PPP1R36: variants seen among roughly 807,000 people sequenced by gnomAD.
PPP1R36 encodes the protein chromosome 14 open reading frame 50.
In PPP1R36, 47 loss-of-function variants were observed where a neutral mutation model predicts 53.4. The observed-to-expected ratio is 0.88, with a 90% confidence interval of 0.70 to 1.12. The LOEUF (loss-of-function observed/expected upper bound fraction) is 1.12, where lower values mean the gene tolerates loss of function less well. Among genes scored for constraint, PPP1R36 ranks in the 50% most tolerant of loss-of-function variants. The probability of loss-of-function intolerance (pLI) is 0.00; values close to 1 mark genes in which losing one functional copy is unlikely to be tolerated. For missense variants in PPP1R36, 456 were observed against 513.9 expected (o/e 0.89, Z 1.09); for synonymous variants, 153 against 170.5 (o/e 0.90, Z 0.80).
chr14:64,585,095 A>G (rs2080420365), intron 8 of PPP1R36, among the ~76,000 whole-genome samples: 1 of 152,224 alleles, frequency 6.6e-6, no homozygotes, highest in Non-Finnish European at 1.5e-5. Context: ...AGTCCCTGTG[A>G]GAAGGCCGAA....
At chr14:64,553,008 G>A in intron 3 of PPP1R36, 147 bp downstream of exon 3, 2 of 602,266 alleles carry the variant, frequency 3.3e-6, no homozygotes, top group South Asian at 2.0e-5. Flanking sequence ...TCTCACTCCT[G>A]TTGCCCAGGC....
Position 64,565,640 on chromosome 14 carries a change from T to C in PPP1R36, c.382T>C (p.Leu128=), listed in dbSNP as rs1408267032. 3.1e-6 allele frequency: 5 copies of C among 1,613,784 alleles called. No individual in the cohort carries two copies. The highest frequency in any genetic ancestry group is 4.2e-6 in the Non-Finnish European group (5 of 1,179,768). The change falls in exon 6 of 12, where the codon TTG becomes CTG. Residue 128 remains leucine (L), a synonymous_variant. Transcript: ENST00000298705. ...TCTCTTTTCAGTTGTTACTTTGCTT[T>C]TGCTACAAGATACTGAGATGCAGCG... is the stretch of plus-strand genomic sequence containing the variant. The part of the protein sequence containing the change: ...LDDVKFVTLL[L]LQDTEMQRIC...
rs1384803955 is a variant in PPP1R36, at chr14:64,552,857, C to G, written c.178C>G (p.Pro60Ala). 1 of 1,612,558 alleles carries G rather than the reference C, an allele frequency of 6.2e-7. No individual in the cohort carries two copies. Among genetic ancestry groups the G allele is most frequent in the Non-Finnish European group, 8.5e-7 (1 of 1,178,612 alleles). ...DSVQWLLKHH[P>A]HFTPAAEVKE... ...TGTCCAGTGGCTCCTGAAACATCAC[C>G]CTCAGTGAGTGTGAGACAGACAGTG... The change falls in exon 3 of 12, where the codon CCT becomes GCT. Residue 60 changes from proline to alanine, a missense_variant. By Grantham distance (27) the Pro-to-Ala change is conservative (BLOSUM62 -1). Coordinates refer to ENST00000298705, the MANE Select transcript of PPP1R36 (RefSeq NM_172365.3).
chr14:64,564,795 A>T lies in PPP1R36; in HGVS notation c.227A>T (p.Lys76Ile), dbSNP rs777054731. The change falls in exon 4 of 12, where the codon AAA (lysine) becomes ATA (isoleucine). Residue 76 changes from lysine to isoleucine, a missense_variant. Lys to Ile is a moderately radical substitution (Grantham distance 102). Coordinates refer to ENST00000298705, the MANE Select transcript of PPP1R36 (RefSeq NM_172365.3). Reference protein sequence around the residue: ...AEVKEKGKKGKAVHFAETDGP... With the variant: ...AEVKEKGKKGIAVHFAETDGP... ...GTCAAGGAAAAAGGAAAGAAAGGCA[A>T]AGCAGTTCACTTTGCAGAAACTGAT... The T allele has an allele frequency of 2.5e-6, 4 of 1,611,196 alleles. No homozygotes were observed. The highest frequency in any genetic ancestry group is 2.5e-6 in the Non-Finnish European group (3 of 1,179,088).
intron 8 of PPP1R36, 42 bp downstream of exon 8, chr14:64,574,631 T>C (rs2080329240): frequency 1.3e-6 from 2 of 1,568,422 alleles, no homozygotes; most frequent in African/African-American, 2.7e-5. Flanking sequence ...CACTCCATCA[T>C]AGACTCACAT....
chr14:64,580,098 G>A (rs908375695), intron 8 of PPP1R36, among the ~76,000 whole-genome samples: 9 of 152,152 alleles, frequency 5.9e-5, no homozygotes, highest in African/African-American at 2.2e-4. Context: ...CCAGGAGTTC[G>A]AGACCAGCCC....
rs578246258 is a variant in PPP1R36 at position 64,555,297 on chromosome 14, A to G, written c.182+2436A>G. Among the ~76,000 whole-genome samples, 33 of 152,376 alleles carry G rather than the reference A, an allele frequency of 2.2e-4. No individual in the cohort carries two copies. The East Asian group carries it at 6.2e-3, about 28-fold the overall frequency. On this transcript the variant is annotated intron_variant, in intron 3 of 11. Transcript: ENST00000298705. ...AATTTCAAATCCTGGAAAATATAGC[A>G]TTCCTACACATGATGTTAACATCGT...
At chr14:64,551,128 T>C in intron 2 of PPP1R36, 143 bp downstream of exon 2, 1 of 611,544 alleles carries the variant, frequency 1.6e-6, no homozygotes, top group Non-Finnish European at 2.8e-6. Context: ...GTGAACAGCC[T>C]TTCTCTGAAC....
intron 3 of PPP1R36, among the ~76,000 whole-genome samples, chr14:64,561,599 T>A (rs2080206061): frequency 6.6e-6 from 1 of 152,194 alleles, no homozygotes; most frequent in Admixed American, 6.5e-5. Context: ...CTCCTTAATC[T>A]ATAAAATGAA....
chr14:64,558,252 G>A (rs1439469875), intron 3 of PPP1R36, among the ~76,000 whole-genome samples: 2 of 152,116 alleles, frequency 1.3e-5, no homozygotes, highest in African/African-American at 2.4e-5. Context: ...GGTTACAGGT[G>A]AGAATCTGAG....
intron 2 of PPP1R36, among the ~76,000 whole-genome samples, chr14:64,551,936 C>A (rs2140212305): frequency 6.6e-6 from 1 of 152,284 alleles, no homozygotes; most frequent in African/African-American, 2.4e-5. Flanking sequence ...CATTAGAAGA[C>A]TAGTTGTAGG....
At chr14:64,586,436 C>T in intron 8 of PPP1R36, 1 of 156,664 alleles carries the variant, frequency 6.4e-6, no homozygotes, top group Non-Finnish European at 1.4e-5. Flanking sequence ...CTTTTTGTAC[C>T]CAATAGCCAT....
intron 3 of PPP1R36, among the ~76,000 whole-genome samples, chr14:64,562,230 G>C (rs1262214917): frequency 6.6e-6 from 1 of 152,168 alleles, no homozygotes; most frequent in Non-Finnish European, 1.5e-5. Context: ...GGAGGCCGAG[G>C]TGGATGGATC....
intron 3 of PPP1R36, among the ~76,000 whole-genome samples, chr14:64,556,309 C>T (rs1018278572): frequency 2.0e-5 from 3 of 151,738 alleles, no homozygotes; most frequent in Non-Finnish European, 4.4e-5. Flanking sequence ...TACCATGTTG[C>T]CCAGGCTGGT....
chr14:64,566,084 G>A (rs1243337932), intron 6 of PPP1R36, among the ~76,000 whole-genome samples: 3 of 152,094 alleles, frequency 2.0e-5, no homozygotes, highest in Admixed American at 6.5e-5. Flanking sequence ...ACTGGCCAAC[G>A]TGGTGAAACC....
At chr14:64,587,165 TC>T in intron 9 of PPP1R36, 28 bp from the exon 10 acceptor site, 1 of 1,556,652 alleles carries the variant, frequency 6.4e-7, no homozygotes, top group Non-Finnish European at 8.8e-7. Flanking sequence ...CAGCTAAGGA[TC>T]GTGATTCTTG....
intron 7 of PPP1R36, among the ~76,000 whole-genome samples, chr14:64,569,174 G>T (rs1031712459): frequency 6.6e-6 from 1 of 152,166 alleles, no homozygotes; most frequent in Non-Finnish European, 1.5e-5. Flanking sequence ...GTACACCAGG[G>T]CAAGAATCTG....
intron 8 of PPP1R36, among the ~76,000 whole-genome samples, chr14:64,579,182 C>T (rs1024318879): frequency 5.3e-5 from 8 of 151,930 alleles, no homozygotes; most frequent in Non-Finnish European, 2.9e-5. Context: ...AATACCTGAG[C>T]GATGTGATAA....
At chr14:64,578,496 G>A (rs1373270003) in intron 8 of PPP1R36, among the ~76,000 whole-genome samples, 1 of 152,104 alleles carries the variant, frequency 6.6e-6, no homozygotes, top group East Asian at 1.9e-4. Context: ...AGTGTGTACT[G>A]GGGACTCTAT....
Sources: allele counts gnomAD v4.1 joint callset (sites outside exome capture counted in the v4.1 genomes callset), GRCh38; gene constraint gnomAD v4.1.1; transcripts MANE v1.5; gene names NCBI Gene and HGNC (gene_info 2026-07-23, HGNC 2026-07-21).